The following CTNND2 variants were observed in gnomAD, a reference collection of about 807,000 sequenced individuals.
The protein encoded by CTNND2 is catenin delta 2.
In CTNND2, 22 loss-of-function variants were observed where a neutral mutation model predicts 144.4. The ratio of observed to expected loss-of-function variants is 0.15; its 90% CI spans 0.11 to 0.22. The LOEUF (loss-of-function observed/expected upper bound fraction) is 0.22. CTNND2 is among the 10% of genes least tolerant of loss of function. The probability of loss-of-function intolerance (pLI) is 1.00; values close to 1 mark genes in which losing one functional copy is unlikely to be tolerated. For synonymous variants in CTNND2, 751 were observed against 695.6 expected, an observed-to-expected ratio of 1.08 and a Z score of -1.25; for missense variants, 1,353 against 1,618.8, an observed-to-expected ratio of 0.84 and a Z score of 2.82.
intron 1 of CTNND2, among the ~76,000 whole-genome samples, chr5:11,879,252 T>C (rs1056776721): frequency 6.6e-6 from 1 of 150,938 alleles, no homozygotes; most frequent in Admixed American, 6.6e-5. Flanking sequence ...CAGTTAAAAT[T>C]GTCAAGTGTT....
At chr5:11,737,876 C>T (rs570873602) in intron 1 of CTNND2, among the ~76,000 whole-genome samples, 19 of 152,270 alleles carry the variant, frequency 1.2e-4, no homozygotes, top group African/African-American at 3.6e-4. Flanking sequence ...TGTTGACCAG[C>T]GGGGAAGAGA....
intron 3 of CTNND2, among the ~76,000 whole-genome samples, chr5:11,480,928 G>A (rs1197496267): frequency 6.6e-6 from 1 of 152,070 alleles, no homozygotes; most frequent in Non-Finnish European, 1.5e-5. Context: ...GCCAAGCCCT[G>A]CTGGAGCTTG....
At chr5:11,252,908 G>A (rs1580715637) in intron 9 of CTNND2, among the ~76,000 whole-genome samples, 2 of 152,254 alleles carry the variant, frequency 1.3e-5, no homozygotes, top group African/African-American at 4.8e-5. Context: ...AATTATGATT[G>A]CCTTCTCCCC....
At chr5:11,379,976 C>A (rs7709196) in intron 7 of CTNND2, among the ~76,000 whole-genome samples, 14,388 of 152,088 alleles carry the variant, frequency 0.095, 783 homozygotes, top group Middle Eastern at 0.13. Flanking sequence ...CCTCCCTGCA[C>A]CCCACACACA....
chr5:11,466,998 C>T (rs192446509), intron 3 of CTNND2, among the ~76,000 whole-genome samples: 4 of 152,212 alleles, frequency 2.6e-5, no homozygotes, highest in East Asian at 1.9e-4. Context: ...CAGCAAAAGA[C>T]CTGAGCCAGG....
intron 3 of CTNND2, among the ~76,000 whole-genome samples, chr5:11,472,943 G>A (rs31942): frequency 1.3e-5 from 2 of 151,862 alleles, no homozygotes; most frequent in East Asian, 3.9e-4. Flanking sequence ...GCATGGTGGC[G>A]CATGCCTGTG....
chr5:11,463,956 A>G (rs926886621), intron 3 of CTNND2, among the ~76,000 whole-genome samples: 3 of 152,320 alleles, frequency 2.0e-5, no homozygotes, highest in African/African-American at 7.2e-5. Flanking sequence ...GATAGCCAAA[A>G]TAAGTGTTAG....
chr5:11,572,873 C>T (rs1416893830), intron 2 of CTNND2, among the ~76,000 whole-genome samples: 1 of 152,196 alleles, frequency 6.6e-6, no homozygotes, highest in African/African-American at 2.4e-5. Context: ...TTTATGGAGT[C>T]TGACTTAGTG....
chr5:11,753,134 C>A (rs377087640), intron 1 of CTNND2, among the ~76,000 whole-genome samples: 1 of 151,654 alleles, frequency 6.6e-6, no homozygotes, highest in Non-Finnish European at 1.5e-5. Flanking sequence ...GCAGAGAAAG[C>A]CTGACTTCCT....
chr5:11,168,157 A>G (rs191277007), intron 11 of CTNND2, among the ~76,000 whole-genome samples: 4 of 152,308 alleles, frequency 2.6e-5, no homozygotes, highest in African/African-American at 2.4e-5. Context: ...AGATGTATCT[A>G]TGATCTCTCT....
intron 11 of CTNND2, among the ~76,000 whole-genome samples, chr5:11,164,905 T>C (rs1454458859): frequency 6.6e-6 from 1 of 152,178 alleles, no homozygotes; most frequent in Non-Finnish European, 1.5e-5. Context: ...GACACTTGTC[T>C]GAATGCCCAT....
chr5:11,577,283 C>T (rs776895341), intron 2 of CTNND2, among the ~76,000 whole-genome samples: 1 of 152,206 alleles, frequency 6.6e-6, no homozygotes, highest in African/African-American at 2.4e-5. Flanking sequence ...TGCTGAATGA[C>T]GCAGTCAGGG....
intron 3 of CTNND2, among the ~76,000 whole-genome samples, chr5:11,443,163 TTAAA>T (rs1220046690): frequency 1.3e-5 from 2 of 150,970 alleles, no homozygotes; most frequent in Non-Finnish European, 3.0e-5. Flanking sequence ...GATTTTGACT[TTAAA>T]TATGTTTGTG....
chr5:11,548,438 T>A (rs1353403651), intron 3 of CTNND2, among the ~76,000 whole-genome samples: 2 of 152,266 alleles, frequency 1.3e-5, no homozygotes, highest in Non-Finnish European at 2.9e-5. Flanking sequence ...ATATTATGCA[T>A]GCTACTATCT....
At chr5:11,677,125 G>A (rs184629956) in intron 2 of CTNND2, among the ~76,000 whole-genome samples, 20 of 152,218 alleles carry the variant, frequency 1.3e-4, no homozygotes, top group Non-Finnish European at 2.5e-4. Context: ...CTAACCTAGC[G>A]TGTCAACCAA....
rs530408415 is a variant in CTNND2, at chr5:11,730,929, C to T, written c.174+1207G>A. Among the ~76,000 whole-genome samples, 4 of 152,278 alleles carry T rather than the reference C, an allele frequency of 2.6e-5. No homozygotes were observed. The East Asian group carries it at 7.7e-4, about 29-fold the overall frequency. ...AAAGCACGACATAACCCAACCATAA[C>T]AAGGTAGTGTATTGAGGATGGGGAG... On this transcript the variant is annotated intron_variant, in intron 2 of 21. Transcript: ENST00000304623.
chr5:11,502,650 A>C (rs1367734479), intron 3 of CTNND2, among the ~76,000 whole-genome samples: 1 of 152,164 alleles, frequency 6.6e-6, no homozygotes, highest in African/African-American at 2.4e-5. Flanking sequence ...TGTTCATAAC[A>C]ATCACCACAA....
At chr5:11,194,186 T>C (rs1298870552) in intron 11 of CTNND2, among the ~76,000 whole-genome samples, 1 of 152,128 alleles carries the variant, frequency 6.6e-6, no homozygotes, top group Admixed American at 6.5e-5. Context: ...GAGGGGACCC[T>C]ATCCCAGGGA....
chr5:11,615,313 G>A (rs143948415), intron 2 of CTNND2, among the ~76,000 whole-genome samples: 71 of 152,046 alleles, frequency 4.7e-4, no homozygotes, highest in African/African-American at 1.6e-3. Flanking sequence ...TAACTTTGAA[G>A]GACAATATTC....
Sources: allele counts gnomAD v4.1 joint callset (sites outside exome capture counted in the v4.1 genomes callset), GRCh38; gene constraint gnomAD v4.1.1; transcripts MANE v1.5; gene names NCBI Gene and HGNC (gene_info 2026-07-23, HGNC 2026-07-21).